Variants in BNC1 observed in about 807,000 individuals in gnomAD.
BNC1 encodes basonuclin zinc finger protein 1.
Under a neutral mutation model 66.5 loss-of-function variants are expected in BNC1, and 8 were observed. The ratio of observed to expected loss-of-function variants is 0.12; its 90% CI spans 0.07 to 0.22. The LOEUF (loss-of-function observed/expected upper bound fraction) is 0.22. BNC1 is among the 10% of genes least tolerant of loss of function. BNC1 has a pLI of 1.00. For synonymous variants in BNC1, 454 were observed against 452.6 expected, an observed-to-expected ratio of 1.00 and a Z score of -0.04; for missense variants, 1,069 against 1,241.3, an observed-to-expected ratio of 0.86 and a Z score of 2.09.
rs772552068 is a variant in BNC1, at chr15:83,257,421, C to A, written c.*21G>T. 6.3e-7 allele frequency: 1 copy of A among 1,594,328 alleles called. No individual in the cohort carries two copies. The highest frequency in any genetic ancestry group is 8.6e-7 in the Non-Finnish European group (1 of 1,167,806). On this transcript the variant is annotated 3_prime_UTR_variant, in exon 5 of 5. Coordinates refer to ENST00000345382, the MANE Select transcript of BNC1 (RefSeq NM_001717.4). ...GAATTATGAAAAAAGCTTATCTGAGCATACTTGGTTTGCCATCTTGTTACT... is the reference window on the plus strand; with the variant it reads ...GAATTATGAAAAAAGCTTATCTGAGAATACTTGGTTTGCCATCTTGTTACT...
At chr15:83,262,281 G>C (rs1316494439) in intron 4 of BNC1, among the ~76,000 whole-genome samples, 1 of 152,024 alleles carries the variant, frequency 6.6e-6, no homozygotes, top group Non-Finnish European at 1.5e-5. Context: ...TCGATCTCTT[G>C]ACCTTGTGAT....
rs2038070831 is a variant in BNC1, at chr15:83,256,138, C to T, written c.*1304G>A. The T allele has an allele frequency of 6.6e-6, 1 of 152,348 alleles. No individual in the cohort carries two copies. The highest frequency in any genetic ancestry group is 1.5e-5 in the Non-Finnish European group (1 of 68,026). The allele number at this position is 152,348 out of a possible 1,614,324, so 9.4% of individuals were successfully genotyped here. A position where few individuals can be genotyped will look rare whatever the true frequency, so the allele number is the denominator to read the frequency against. On this transcript the variant is annotated 3_prime_UTR_variant, in exon 5 of 5. Coordinates refer to ENST00000345382, the MANE Select transcript of BNC1 (RefSeq NM_001717.4). ...CCACAGAAATAATCTCTCTTATAAC[C>T]CTCAACTTTAAGAATGTTTTTTATT...
intron 3 of BNC1, among the ~76,000 whole-genome samples, chr15:83,266,188 GA>G (rs1040891281): frequency 4.6e-4 from 66 of 141,984 alleles, no homozygotes; most frequent in African/African-American, 1.6e-3. Context: ...GGACAGAGAG[GA>G]TGAAGGGCTT....
chr15:83,274,766 T>A (rs2038303433), intron 1 of BNC1, among the ~76,000 whole-genome samples: 1 of 152,230 alleles, frequency 6.6e-6, no homozygotes, highest in Non-Finnish European at 1.5e-5. Context: ...CAAGAATTAT[T>A]TCATTTCTTT....
In BNC1 at chr15:83,262,997, C is replaced by T. The variant is rs1424055295; in HGVS notation, c.2254G>A (p.Val752Met). 2 of 1,613,936 alleles carry T rather than the reference C, an allele frequency of 1.2e-6. No homozygotes were observed. The highest frequency in any genetic ancestry group is 2.2e-5 in the East Asian group (1 of 44,900). The change falls in exon 4 of 5, where the codon GTG (valine) becomes ATG (methionine). Residue 752 changes from valine (V) to methionine (M), a missense_variant. By Grantham distance (21) the Val-to-Met change is conservative. This residue lies in a region of BNC1 where 657 missense variants were observed against 715.8 expected (regional missense o/e 0.92). Coordinates refer to ENST00000345382, the MANE Select transcript of BNC1 (RefSeq NM_001717.4). Reference protein sequence around the residue: ...MHVKEMHTCTVEGCNATFPSR... With the variant: ...MHVKEMHTCTMEGCNATFPSR... Reference sequence around the variant, plus strand: ...GGAAAGGTAGCATTACAGCCCTCCACTGTGCATGTGTGCATTTCTTTGACA... The same window carrying T: ...GGAAAGGTAGCATTACAGCCCTCCATTGTGCATGTGTGCATTTCTTTGACA...
intron 2 of BNC1, among the ~76,000 whole-genome samples, chr15:83,267,634 G>C (rs1228653615): frequency 6.6e-6 from 1 of 152,156 alleles, no homozygotes; most frequent in Non-Finnish European, 1.5e-5. Flanking sequence ...CAAGTACTCA[G>C]TAGCCACAAG....
At chr15:83,275,126 A>C (rs753283524) in intron 1 of BNC1, among the ~76,000 whole-genome samples, 7 of 152,266 alleles carry the variant, frequency 4.6e-5, no homozygotes, top group Admixed American at 2.0e-4. Context: ...CCTACCTTCA[A>C]GGAGCTTATA....
intron 1 of BNC1, among the ~76,000 whole-genome samples, chr15:83,284,053 A>T (rs1053163640): frequency 6.6e-6 from 1 of 151,822 alleles, no homozygotes; most frequent in Non-Finnish European, 1.5e-5. Context: ...CCGGAGAGAA[A>T]GACGGCCAGT....
intron 3 of BNC1, among the ~76,000 whole-genome samples, chr15:83,266,501 C>T (rs904818993): frequency 6.6e-6 from 1 of 152,188 alleles, no homozygotes; most frequent in Non-Finnish European, 1.5e-5. Context: ...AAATCTGATA[C>T]AGACAGATCT....
chr15:83,267,359 G>A (rs1434745644), intron 2 of BNC1, among the ~76,000 whole-genome samples: 1 of 152,154 alleles, frequency 6.6e-6, no homozygotes, highest in African/African-American at 2.4e-5. Context: ...AACTGAGGTG[G>A]GAGGTGCATA....
In BNC1 at chr15:83,265,223, A is replaced by G. The variant is rs149638588; in HGVS notation, c.436-408T>C. 8.3e-3 allele frequency among the ~76,000 whole-genome samples: 1,257 copies of G among 152,342 alleles called. 6 individuals carry two copies. Among genetic ancestry groups the G allele is most frequent in the Non-Finnish European group, 0.012 (838 of 68,032 alleles). On this transcript the variant is annotated intron_variant, in intron 3 of 4. Transcript: ENST00000345382. ...TCTAAAGAGAATAGATGGAACAATCAGGCCTAGATGCAGCTCAAGTATTCA... is the reference window on the plus strand; with the variant it reads ...TCTAAAGAGAATAGATGGAACAATCGGGCCTAGATGCAGCTCAAGTATTCA...
chr15:83,266,673 C>T (rs1188783237), intron 3 of BNC1, among the ~76,000 whole-genome samples, 163 bp downstream of exon 3: 1 of 152,046 alleles, frequency 6.6e-6, no homozygotes. Context: ...CTTGGACTCC[C>T]CCCAAGAACA....
intron 1 of BNC1, among the ~76,000 whole-genome samples, chr15:83,269,811 G>GA (rs967579819): frequency 1.2e-4 from 19 of 152,112 alleles, no homozygotes; most frequent in East Asian, 9.7e-4. Flanking sequence ...CCAAAAAGTA[G>GA]AAAAAACCCC....
intron 1 of BNC1, among the ~76,000 whole-genome samples, chr15:83,270,392 T>C (rs769566504): frequency 6.6e-6 from 1 of 152,260 alleles, no homozygotes; most frequent in Non-Finnish European, 1.5e-5. Flanking sequence ...TCTTGTTTAA[T>C]GTTTTAAGAA....
intron 1 of BNC1, among the ~76,000 whole-genome samples, chr15:83,279,512 T>C (rs7171743): frequency 0.13 from 19,601 of 152,108 alleles, 2,071 homozygotes; most frequent in African/African-American, 0.29. Flanking sequence ...ATGCAAGAAA[T>C]ACCACAAGCC....
intron 1 of BNC1, among the ~76,000 whole-genome samples, chr15:83,275,243 T>C (rs2038307521): frequency 6.6e-6 from 1 of 152,234 alleles, no homozygotes; most frequent in South Asian, 2.1e-4. Flanking sequence ...CTCACGCCTA[T>C]AATCCCAGCA....
At chr15:83,275,602 C>G (rs1260897982) in intron 1 of BNC1, among the ~76,000 whole-genome samples, 2 of 151,810 alleles carry the variant, frequency 1.3e-5, no homozygotes, top group Non-Finnish European at 2.9e-5. Context: ...TCATCAAGAG[C>G]CTTTGAGGAG....
chr15:83,259,978 C>G (rs1039756931), intron 4 of BNC1, among the ~76,000 whole-genome samples: 2 of 152,152 alleles, frequency 1.3e-5, no homozygotes. Flanking sequence ...CTCTACCTCT[C>G]CCCTCCAACT....
At chr15:83,279,350 C>T (rs1276752094) in intron 1 of BNC1, among the ~76,000 whole-genome samples, 1 of 152,024 alleles carries the variant, frequency 6.6e-6, no homozygotes. Flanking sequence ...TGTTTGAAAT[C>T]TTCTATAATA....
Sources: gnomAD v4.1 joint callset for allele counts (sites outside exome capture counted in the v4.1 genomes callset) on GRCh38, gnomAD v4.1.1 for gene constraint, gnomAD v4.1.1 regional missense constraint, MANE v1.5 for transcripts, NCBI Gene and HGNC (gene_info 2026-07-23, HGNC 2026-07-21) for gene names.